The following COMT variants were observed in gnomAD, a reference collection of about 807,000 sequenced individuals.
COMT encodes the protein catechol O-methyltransferase.
COMT carries 13 observed loss-of-function variants against 18.9 expected under a neutral mutation model. The observed-to-expected ratio is 0.69, with a 90% CI of 0.45 to 1.09. The LOEUF (loss-of-function observed/expected upper bound fraction) is 1.09. Among genes scored for constraint, COMT ranks in the 50% least tolerant of loss-of-function variants. The pLI is 0.00. For missense variants in COMT, 329 were observed against 361.8 expected (o/e 0.91, Z 0.73); for synonymous variants, 150 against 160.9 (o/e 0.93, Z 0.51).
intron 5 of COMT, 168 bp downstream of exon 5, chr22:19,964,467 T>A: frequency 9.7e-7 from 1 of 1,028,646 alleles, no homozygotes; most frequent in Non-Finnish European, 1.5e-6. Flanking sequence ...GGAGGCCCTG[T>A]GGTGGGTGGA....
At chr22:19,952,754 C>T (rs1941972774) in intron 1 of COMT, among the ~76,000 whole-genome samples, 1 of 151,746 alleles carries the variant, frequency 6.6e-6, no homozygotes, top group Non-Finnish European at 1.5e-5. Flanking sequence ...AGTTCAAGAC[C>T]AGCCTGACCA....
chr22:19,962,989 T>G, intron 3 of COMT, 174 bp downstream of exon 3: 1 of 766,822 alleles, frequency 1.3e-6, no homozygotes, highest in Non-Finnish European at 2.0e-6. Context: ...GGGTCCCTGA[T>G]GACCCCTGCA....
chr22:19,962,038 C>T (rs992673094), intron 2 of COMT, among the ~76,000 whole-genome samples: 2 of 152,126 alleles, frequency 1.3e-5, no homozygotes, highest in Non-Finnish European at 2.9e-5. Context: ...ATCCCTGGGG[C>T]GTCCAGAGCA....
chr22:19,956,800 G>A (rs77080003), intron 1 of COMT, among the ~76,000 whole-genome samples: 3,771 of 151,458 alleles, frequency 0.025, 79 homozygotes, highest in South Asian at 0.091. Context: ...GGTCCTGAAC[G>A]CCTGGGCTCA....
intron 2 of COMT, 167 bp from the exon 3 acceptor site, chr22:19,962,360 G>A: frequency 8.0e-7 from 1 of 1,254,124 alleles, no homozygotes. Context: ...CGAGAAGGCT[G>A]GCTCCCTGGC....
In COMT at chr22:19,962,632, A is replaced by G; in HGVS notation, c.106A>G (p.Ile36Val). The part of the protein sequence containing the change: ...LRHWGWGLCL[I>V]GWNEFILQPI... The stretch of plus-strand genomic sequence containing the variant: ...GCACTGGGGCTGGGGCCTGTGCCTT[A>G]TCGGCTGGAACGAGTTCATCCTGCA... Residue 36 changes from isoleucine to valine, a missense_variant, in exon 3 of 6, where the codon ATC becomes GTC. Coordinates refer to ENST00000361682, the MANE Select transcript of COMT (RefSeq NM_000754.4). 6.2e-7 allele frequency: 1 copy of G among 1,602,674 alleles called. No individual in the cohort carries two copies. The highest frequency in any genetic ancestry group is 8.5e-7 in the Non-Finnish European group (1 of 1,175,890).
intron 2 of COMT, 166 bp from the exon 3 acceptor site, chr22:19,962,361 G>A: frequency 7.9e-7 from 1 of 1,268,236 alleles, no homozygotes; most frequent in African/African-American, 1.5e-5. Context: ...GAGAAGGCTG[G>A]CTCCCTGGCG....
chr22:19,966,982 A>G, intron 5 of COMT: 1 of 985,402 alleles, frequency 1.0e-6, no homozygotes, highest in Non-Finnish European at 1.2e-6. Context: ...ATGTTTAGCC[A>G]GTTCTCCAGG....
At chr22:19,968,111 C>G (rs1942523533) in intron 5 of COMT, among the ~76,000 whole-genome samples, 1 of 152,170 alleles carries the variant, frequency 6.6e-6, no homozygotes, top group African/African-American at 2.4e-5. Context: ...TCACCCTGGT[C>G]AGGCCAATAT....
chr22:19,966,433 C>T (rs1008955323), intron 5 of COMT, among the ~76,000 whole-genome samples: 1 of 85,044 alleles, frequency 1.2e-5, no homozygotes, highest in African/African-American at 5.3e-5. Context: ...ATGAGTTCCC[C>T]CTTAAAAAAA....
At chr22:19,964,836 G>A in intron 5 of COMT, 1 of 296,460 alleles carries the variant, frequency 3.4e-6, no homozygotes. Flanking sequence ...TGGGGGGCGT[G>A]GGGCACTGGT....
Position 19,967,214 on chromosome 22 carries a change from T to C in COMT, c.616-1322T>C, listed in dbSNP as rs1942450487. 7 of 1,304,752 alleles carry C rather than the reference T, an allele frequency of 5.4e-6. No individual in the cohort carries two copies. In the South Asian group the frequency reaches 6.2e-5, roughly 12 times the overall value. The allele number at this position is 1,304,752 out of a possible 1,614,324, so 80.8% of individuals were successfully genotyped here. The stretch of plus-strand genomic sequence containing the variant: ...CCGCTGACGTCTTCTGTATCCCTGA[T>C]GACCAGATTGGGCTCCTGAGTCCCC... On this transcript the variant is annotated intron_variant, in intron 5 of 5. Coordinates refer to ENST00000361682, the MANE Select transcript of COMT (RefSeq NM_000754.4).
chr22:19,960,056 C>T (rs534967866), intron 1 of COMT, among the ~76,000 whole-genome samples: 1 of 152,388 alleles, frequency 6.6e-6, no homozygotes, highest in South Asian at 2.1e-4. Context: ...CCTCTGCTGC[C>T]TCCCACTAGG....
At chr22:19,945,667 T>C (rs1179519092) in intron 1 of COMT, among the ~76,000 whole-genome samples, 3 of 152,188 alleles carry the variant, frequency 2.0e-5, no homozygotes, top group Non-Finnish European at 4.4e-5. Context: ...AAAGGTTTCT[T>C]TCTTTTTTTC....
chr22:19,964,049 G>A (rs962519777), intron 4 of COMT, 119 bp from the exon 5 acceptor site: 4 of 1,575,890 alleles, frequency 2.5e-6, no homozygotes, highest in Non-Finnish European at 3.5e-6. Flanking sequence ...TGCTTGTATG[G>A]GTGTGTAAAG....
At chr22:19,952,501 G>A (rs571841637) in intron 1 of COMT, among the ~76,000 whole-genome samples, 4 of 152,006 alleles carry the variant, frequency 2.6e-5, no homozygotes, top group East Asian at 1.9e-4. Flanking sequence ...TTAGCCGGGC[G>A]TGGTGGCGGG....
At chr22:19,957,398 A>G (rs534008077) in intron 1 of COMT, among the ~76,000 whole-genome samples, 1 of 152,282 alleles carries the variant, frequency 6.6e-6, no homozygotes, top group South Asian at 2.1e-4. Context: ...AGCCTGGGCA[A>G]TTGAACAGGA....
At chr22:19,952,471 C>T (rs1266293965) in intron 1 of COMT, among the ~76,000 whole-genome samples, 1 of 151,924 alleles carries the variant, frequency 6.6e-6, no homozygotes, top group South Asian at 2.1e-4. Context: ...AACCCCGTCT[C>T]TACCAAAAAC....
Position 19,941,874 on chromosome 22 carries a change from C to A in COMT, c.-115C>A. The A allele has an allele frequency of 7.2e-7, 1 of 1,392,148 alleles. No homozygotes were observed. Among genetic ancestry groups the A allele is most frequent in the Non-Finnish European group, 9.3e-7 (1 of 1,078,838 alleles). The allele number at this position is 1,392,148 out of a possible 1,614,324, so 86.2% of individuals were successfully genotyped here. A position where few individuals can be genotyped will look rare whatever the true frequency, so the allele number is the denominator to read the frequency against. The stretch of plus-strand genomic sequence containing the variant: ...TGCGCCGGACCGGGGCGGGTCCAGT[C>A]CCGGGCGGGCCGTCGCGGGAGAGGT... On this transcript the variant is annotated 5_prime_UTR_variant, in exon 1 of 6. Coordinates refer to ENST00000361682, the MANE Select transcript of COMT (RefSeq NM_000754.4).
Sources: allele counts gnomAD v4.1 joint callset (sites outside exome capture counted in the v4.1 genomes callset), GRCh38; gene constraint gnomAD v4.1.1; transcripts MANE v1.5; gene names NCBI Gene and HGNC (gene_info 2026-07-23, HGNC 2026-07-21).